LITAF: variants seen among roughly 807,000 people sequenced by gnomAD.
LITAF encodes lipopolysaccharide-induced tumor necrosis factor-alpha factor.
Under a neutral mutation model 14.5 loss-of-function variants are expected in LITAF, and 9 were observed. The observed-to-expected ratio is 0.62, with a 90% confidence interval of 0.37 to 1.08. LITAF has a LOEUF of 1.08. LITAF is among the 50% of genes least tolerant of loss of function. LITAF has a pLI of 0.01. For synonymous variants in LITAF, 98 were observed against 88.2 expected (o/e 1.11, Z -0.62); for missense variants, 206 against 213.4 (o/e 0.97, Z 0.22).
chr16:11,590,725 T>C (rs2064841776), upstream of LITAF, among the ~76,000 whole-genome samples: 1 of 116,888 alleles, frequency 8.6e-6, no homozygotes, highest in South Asian at 2.6e-4. Flanking sequence ...TAATCTCTGT[T>C]TTTGTTGTTG....
chr16:11,604,297 A>G (rs2064943296), intron 3 of LITAF, among the ~76,000 whole-genome samples: 1 of 152,240 alleles, frequency 6.6e-6, no homozygotes, highest in South Asian at 2.1e-4. Flanking sequence ...GAAGGGAAAG[A>G]AATTCCTGAG....
At chr16:11,593,793 T>G (rs2064863870) in intron 1 of LITAF, among the ~76,000 whole-genome samples, 1 of 152,128 alleles carries the variant, frequency 6.6e-6, no homozygotes, top group South Asian at 2.1e-4. Context: ...ATGTCCAGAA[T>G]AGGCAAATCC....
At chr16:11,587,749 G>T (rs2064823040), upstream of LITAF, among the ~76,000 whole-genome samples, 1 of 152,170 alleles carries the variant, frequency 6.6e-6, no homozygotes, top group Non-Finnish European at 1.5e-5. Flanking sequence ...CCATCGGCCG[G>T]CTGCAGTGAT....
intron 3 of LITAF, among the ~76,000 whole-genome samples, chr16:11,622,596 G>A (rs1027965616): frequency 6.6e-6 from 1 of 152,176 alleles, no homozygotes; most frequent in African/African-American, 2.4e-5. Flanking sequence ...GGTGTCTCTC[G>A]AGATTGCTTT....
chr16:11,610,222 CA>C (rs1234207625), intron 3 of LITAF, among the ~76,000 whole-genome samples: 1 of 152,218 alleles, frequency 6.6e-6, no homozygotes, highest in African/African-American at 2.4e-5. Flanking sequence ...AAACCTGTCC[CA>C]GGGGAAAACA....
rs557027328 is a variant in LITAF at position 11,612,110 on chromosome 16, C to A, written c.85+21423G>T. On this transcript the variant is annotated intron_variant, in intron 3 of 3. Transcript: ENST00000574848. ...CCTGGCAAAGAGGGTTATGTGGGTG[C>A]CCACACAGCCATGTCACTGAGAGGG... Among the ~76,000 whole-genome samples the A allele has an allele frequency of 2.2e-4, 33 of 152,298 alleles. 1 individual carries two copies. The South Asian group carries it at 6.8e-3, about 32-fold the overall frequency.
Position 11,605,822 on chromosome 16 carries a change from C to T in LITAF, c.85+27711G>A, listed in dbSNP as rs538044266. On this transcript the variant is annotated intron_variant, in intron 3 of 3. Transcript: ENST00000574848. The surrounding 1 kb of genome is among the most constrained non-coding windows in gnomAD (Gnocchi z 4.7). ...AGAGCCCCGAGAGCTTCCCACACTA[C>T]ACATGTCACTCTCACAACCGCACCA... Among the ~76,000 whole-genome samples, 3 of 152,266 alleles carry T rather than the reference C, an allele frequency of 2.0e-5. No homozygotes were observed. The highest frequency in any genetic ancestry group is 1.3e-4 in the Admixed American group (2 of 15,278).
chr16:11,556,863 C>G, intron 1 of LITAF, 128 bp from the exon 2 acceptor site: 1 of 834,362 alleles, frequency 1.2e-6, no homozygotes, highest in Admixed American at 2.0e-5. Flanking sequence ...CCAGCTTTGT[C>G]CAAAAGCTAG....
upstream of LITAF, among the ~76,000 whole-genome samples, chr16:11,640,216 G>A (rs2065159617): frequency 6.6e-6 from 1 of 152,182 alleles, no homozygotes; most frequent in South Asian, 2.1e-4. Context: ...CATAGTAGCT[G>A]CTCAGCACAT....
intron 3 of LITAF, among the ~76,000 whole-genome samples, chr16:11,630,182 G>C (rs558773636): frequency 6.6e-5 from 10 of 152,252 alleles, no homozygotes. Context: ...CTCTGTGTTT[G>C]GGAGTCCTGG....
rs1379677100 is a variant in LITAF at position 11,610,629 on chromosome 16, G to A, written c.85+22904C>T. On this transcript the variant is annotated intron_variant, in intron 3 of 3. Coordinates refer to the LITAF transcript ENST00000574848. ...AACAATGGGATGGAGCCCAACTTGAGCAGTAAATAAGAGGAAAAAAACCAT... is the reference window on the plus strand; with the variant it reads ...AACAATGGGATGGAGCCCAACTTGAACAGTAAATAAGAGGAAAAAAACCAT... Among the ~76,000 whole-genome samples the A allele has an allele frequency of 3.3e-5, 5 of 152,274 alleles. No homozygotes were observed. In the East Asian group the frequency reaches 9.7e-4, roughly 29 times the overall value.
intron 1 of LITAF, among the ~76,000 whole-genome samples, chr16:11,578,448 T>C (rs562088970): frequency 7.9e-5 from 12 of 152,196 alleles, no homozygotes; most frequent in African/African-American, 2.9e-4. Context: ...GGAGAATTGC[T>C]TGAACCCAGG....
intron 3 of LITAF, among the ~76,000 whole-genome samples, chr16:11,626,998 A>G (rs1261707829): frequency 6.6e-6 from 1 of 152,000 alleles, no homozygotes; most frequent in African/African-American, 2.4e-5. Flanking sequence ...ACGCACCACC[A>G]TGCCTGGCTA....
chr16:11,578,393 T>C (rs1271893498), intron 1 of LITAF, among the ~76,000 whole-genome samples: 1 of 151,796 alleles, frequency 6.6e-6, no homozygotes, highest in Admixed American at 6.6e-5. Flanking sequence ...CATGTCTATA[T>C]ACAGGCACAT....
intron 1 of LITAF, among the ~76,000 whole-genome samples, chr16:11,583,785 C>T (rs1567253029): frequency 6.6e-6 from 1 of 152,206 alleles, no homozygotes; most frequent in Non-Finnish European, 1.5e-5. Context: ...ATTATTTTCT[C>T]TGAAGCCTCC....
At chr16:11,599,880 C>T (rs534233932), upstream of LITAF, among the ~76,000 whole-genome samples, 1 of 152,314 alleles carries the variant, frequency 6.6e-6, no homozygotes, top group Admixed American at 6.5e-5. Context: ...TTCCTTCAAA[C>T]CTGTGCTCAA....
intron 1 of LITAF, among the ~76,000 whole-genome samples, chr16:11,578,514 A>G (rs1393366002): frequency 6.6e-6 from 1 of 152,198 alleles, no homozygotes; most frequent in Non-Finnish European, 1.5e-5. Context: ...CTGGGCAACA[A>G]GAGCAAAACT....
At chr16:11,619,374 G>C (rs1347751347) in intron 3 of LITAF, among the ~76,000 whole-genome samples, 4 of 152,154 alleles carry the variant, frequency 2.6e-5, no homozygotes, top group African/African-American at 7.2e-5. Context: ...TCTCCACATG[G>C]CATGATGAGG....
intron 3 of LITAF, among the ~76,000 whole-genome samples, chr16:11,631,803 G>A (rs1036783588): frequency 2.0e-5 from 3 of 151,870 alleles, no homozygotes; most frequent in Middle Eastern, 3.5e-3. Context: ...ATCTCATCTC[G>A]AGATTCTTAA....
Sources: allele counts gnomAD v4.1 joint callset (sites outside exome capture counted in the v4.1 genomes callset), GRCh38; gene constraint gnomAD v4.1.1; non-coding constraint Gnocchi (gnomAD v3.1); transcripts MANE v1.5; gene names NCBI Gene and HGNC (gene_info 2026-07-23, HGNC 2026-07-21).